Variants in BCAS3 observed in about 807,000 individuals in gnomAD.
BCAS3 encodes the protein BCAS3 microtubule associated cell migration factor.
In BCAS3, 53 loss-of-function variants were observed where a neutral mutation model predicts 116.1. The ratio of observed to expected loss-of-function variants is 0.46; its 90% confidence interval spans 0.37 to 0.57. The LOEUF (loss-of-function observed/expected upper bound fraction) is 0.57, where lower values mean the gene tolerates loss of function less well. Ranked by LOEUF, BCAS3 falls within the 20% of genes least tolerant of loss-of-function variation. The probability of loss-of-function intolerance (pLI) is 0.00; values close to 1 mark genes in which losing one functional copy is unlikely to be tolerated. For synonymous variants in BCAS3, 391 were observed against 408.2 expected (o/e 0.96, Z 0.51); for missense variants, 917 against 1,165.4 (o/e 0.79, Z 3.10).
chr17:60,831,392 G>C (rs897834174), intron 7 of BCAS3, among the ~76,000 whole-genome samples: 1 of 151,514 alleles, frequency 6.6e-6, no homozygotes, highest in African/African-American at 2.4e-5. Flanking sequence ...GGCCAGGCTG[G>C]TCTCGAACTC....
intron 7 of BCAS3, among the ~76,000 whole-genome samples, chr17:60,841,095 CTT>C (rs1260595076): frequency 6.6e-6 from 1 of 151,970 alleles, no homozygotes; most frequent in East Asian, 1.9e-4. Flanking sequence ...TCATATACTA[CTT>C]TAAGTAAGGA....
chr17:61,174,792 C>T (rs2079045443), intron 22 of BCAS3, among the ~76,000 whole-genome samples: 1 of 152,146 alleles, frequency 6.6e-6, no homozygotes, highest in African/African-American at 2.4e-5. Context: ...CCCTACAATG[C>T]TCAAACGGGG....
intron 4 of BCAS3, among the ~76,000 whole-genome samples, chr17:60,701,471 C>T (rs1166228020): frequency 1.3e-5 from 2 of 151,938 alleles, no homozygotes; most frequent in Non-Finnish European, 2.9e-5. Context: ...TTGAACTGTG[C>T]GGGTCCACTT....
chr17:61,044,465 A>AAAAAAAAAAAAAAAAAAATATATAT, intron 19 of BCAS3, among the ~76,000 whole-genome samples: 2 of 120,122 alleles, frequency 1.7e-5, no homozygotes, highest in African/African-American at 1.0e-4. Context: ...AAAAAAAAAA[A>AAAAAAAAAAAAAAAAAAATATATAT]ATATATATAT....
At position 61,140,022 on chromosome 17, in the gene BCAS3, G is replaced by A. The variant is rs1172599907; in HGVS notation, c.2425+55458G>A. On this transcript the variant is annotated intron_variant, in intron 22 of 23. Transcript: ENST00000407086. This position sits in a 1 kb window ranked among gnomAD's most constrained non-coding sequence, Gnocchi z 4.2. ...AGGCCGAGGTGGATAGATCACTTGA[G>A]GTCAGGAGTTCGAGGTCAGACTGGC... 6.6e-6 allele frequency among the ~76,000 whole-genome samples: 1 copy of A among 152,150 alleles called. No homozygotes were observed. The highest frequency in any genetic ancestry group is 1.5e-5 in the Non-Finnish European group (1 of 68,034).
chr17:60,683,914 A>G, intron 2 of BCAS3, 68 bp from the exon 3 acceptor site: 1 of 1,325,868 alleles, frequency 7.5e-7, no homozygotes, highest in Non-Finnish European at 1.1e-6. Context: ...AAGGCTTGTA[A>G]ATAGAGCTTT....
chr17:60,840,546 G>A (rs9907147), intron 7 of BCAS3, among the ~76,000 whole-genome samples: 33,226 of 152,042 alleles, frequency 0.22, 4,690 homozygotes, highest in African/African-American at 0.41. Flanking sequence ...ATAGCTAAAA[G>A]TCTTATTTAA....
chr17:61,002,871 A>C (rs1473707865), intron 15 of BCAS3: 1 of 151,526 alleles, frequency 6.6e-6, no homozygotes, highest in Non-Finnish European at 1.5e-5. Flanking sequence ...ATAGTTATCT[A>C]CTCTTTTCTA....
intron 7 of BCAS3, among the ~76,000 whole-genome samples, chr17:60,859,630 G>A (rs1476131897): frequency 6.6e-6 from 1 of 150,838 alleles, no homozygotes. Context: ...GTGCAGTGGT[G>A]TGATCTCAGC....
At chr17:61,036,314 C>G (rs561823826) in intron 17 of BCAS3, 1 of 152,296 alleles carries the variant, frequency 6.6e-6, no homozygotes, top group Admixed American at 6.5e-5. Flanking sequence ...GACATGAGCC[C>G]TTTCTCTTGT....
intron 22 of BCAS3, among the ~76,000 whole-genome samples, chr17:61,294,742 C>T (rs1052936174): frequency 1.3e-4 from 20 of 152,286 alleles, no homozygotes; most frequent in South Asian, 1.0e-3. Flanking sequence ...AACATTAAGA[C>T]GTGCTCCATC....
intron 14 of BCAS3, among the ~76,000 whole-genome samples, chr17:60,969,092 G>A (rs372924311): frequency 3.9e-5 from 6 of 151,992 alleles, no homozygotes; most frequent in African/African-American, 1.2e-4. Context: ...TCACTCTGAG[G>A]TTTTCTTTTT....
rs184999745 is a variant in BCAS3, at chr17:61,210,561, A to G, written c.2425+125997A>G. Among the ~76,000 whole-genome samples, 4 of 152,346 alleles carry G rather than the reference A, an allele frequency of 2.6e-5. No homozygotes were observed. In the East Asian group the frequency reaches 7.7e-4, roughly 29 times the overall value. On this transcript the variant is annotated intron_variant, in intron 22 of 23. Coordinates refer to ENST00000407086, the MANE Select transcript of BCAS3 (RefSeq NM_017679.5). ...GGGTAAGAGTAAGATAACATCAGTA[A>G]AAGCCTGAGATTCACTAAGTTTTCA...
chr17:60,788,159 A>G (rs2046444704), intron 6 of BCAS3, among the ~76,000 whole-genome samples: 1 of 152,152 alleles, frequency 6.6e-6, no homozygotes, highest in African/African-American at 2.4e-5. Context: ...TTTATCAATA[A>G]TTTTGTTTAC....
At position 60,994,570 on chromosome 17, in the gene BCAS3, G is replaced by C. The variant is rs931872090; in HGVS notation, c.1486+4335G>C. On this transcript the variant is annotated intron_variant, in intron 15 of 23. Coordinates refer to ENST00000407086, the MANE Select transcript of BCAS3 (RefSeq NM_017679.5). This position sits in a 1 kb window ranked among gnomAD's most constrained non-coding sequence, Gnocchi z 4.4. ...TATAAATATGATCTGCCAATTTTCTGCTTAAGATCTTTGTGTCTCACCATA... is the reference window on the plus strand; with the variant it reads ...TATAAATATGATCTGCCAATTTTCTCCTTAAGATCTTTGTGTCTCACCATA... Among the ~76,000 whole-genome samples the C allele has an allele frequency of 7.9e-5, 12 of 152,040 alleles. No individual in the cohort carries two copies. The highest frequency in any genetic ancestry group is 2.9e-4 in the African/African-American group (12 of 41,408).
At position 61,188,959 on chromosome 17, in the gene BCAS3, C is replaced by T. The variant is rs564354704; in HGVS notation, c.2425+104395C>T. 1.3e-5 allele frequency among the ~76,000 whole-genome samples: 2 copies of T among 152,068 alleles called. No homozygotes were observed. The highest frequency in any genetic ancestry group is 6.6e-5 in the Admixed American group (1 of 15,240). ...CTCTATAAAACATCAAAAAATCAGC[C>T]GGGCGTGATGGTGCATGCCTATAGT... On this transcript the variant is annotated intron_variant, in intron 22 of 23. Coordinates refer to ENST00000407086, the MANE Select transcript of BCAS3 (RefSeq NM_017679.5). This position sits in a 1 kb window ranked among gnomAD's most constrained non-coding sequence, Gnocchi z 4.0.
intron 22 of BCAS3, among the ~76,000 whole-genome samples, chr17:61,299,732 GGTGGTAATGAAACTGAAAT>G (rs1174733178): frequency 6.6e-6 from 1 of 152,190 alleles, no homozygotes; most frequent in Non-Finnish European, 1.5e-5. Context: ...GAACAATCCA[GGTGGTAATGAAACTGAAAT>G]GTTTTGGCTC....
chr17:60,759,627 CTTCTTT>C (rs1323676157), intron 6 of BCAS3, among the ~76,000 whole-genome samples: 3 of 134,906 alleles, frequency 2.2e-5, no homozygotes, highest in African/African-American at 2.7e-5. Flanking sequence ...TACATAGTGA[CTTCTTT>C]TTTTTTTTTT....
chr17:61,277,844 C>T (rs2050901494), intron 22 of BCAS3, among the ~76,000 whole-genome samples: 1 of 152,146 alleles, frequency 6.6e-6, no homozygotes, highest in Non-Finnish European at 1.5e-5. Flanking sequence ...TAGATAATAA[C>T]AAGTGTTGAT....
Sources: gnomAD v4.1 joint callset for allele counts (sites outside exome capture counted in the v4.1 genomes callset) on GRCh38, gnomAD v4.1.1 for gene constraint, Gnocchi (gnomAD v3.1) non-coding constraint, MANE v1.5 for transcripts, NCBI Gene and HGNC (gene_info 2026-07-23, HGNC 2026-07-21) for gene names.